MRPL39: variants seen among roughly 807,000 people sequenced by gnomAD.
The protein encoded by MRPL39 is mitochondrial ribosomal protein L39, also known as large ribosomal subunit protein mL39.
A neutral mutation model predicts 44.5 loss-of-function variants in MRPL39; 35 were observed. The ratio of observed to expected loss-of-function variants is 0.79; its 90% CI spans 0.60 to 1.04. The LOEUF (loss-of-function observed/expected upper bound fraction) is 1.04. Among genes scored for constraint, MRPL39 ranks in the 50% least tolerant of loss-of-function variants. MRPL39 has a pLI of 0.00. For synonymous variants in MRPL39, 139 were observed against 136.1 expected, an observed-to-expected ratio of 1.02 and a Z score of -0.15; for missense variants, 433 against 413.5, an observed-to-expected ratio of 1.05 and a Z score of -0.41.
chr21:25,596,387 C>T (rs117080060), intron 6 of MRPL39, among the ~76,000 whole-genome samples: 19,346 of 152,246 alleles, frequency 0.13, 1,625 homozygotes, highest in South Asian at 0.32. Flanking sequence ...CGTGAGCCAC[C>T]GCGCCCAGCC....
upstream of MRPL39, chr21:25,607,525 CG>C: frequency 6.3e-7 from 1 of 1,588,120 alleles, no homozygotes; most frequent in Non-Finnish European, 8.6e-7. Context: ...CCTCCTCCCC[CG>C]GAAACCGAAC....
chr21:25,598,168 A>G (rs2031415514), intron 5 of MRPL39, among the ~76,000 whole-genome samples: 1 of 152,186 alleles, frequency 6.6e-6, no homozygotes, highest in African/African-American at 2.4e-5. Context: ...GTATAAAAAA[A>G]TCAACATTCA....
rs2031589490 is a variant in MRPL39, at chr21:25,603,861, A to G, written c.355T>C (p.Leu119=). Residue 119 remains leucine, a synonymous_variant, in exon 3 of 10, where the codon TTA becomes CTA. Transcript: ENST00000352957. ...DGQPWDMYKP[L]TKSCEIKFLT... is the part of the protein sequence containing the mutation. ...AATTTAATTTCACAGGACTTTGTTAAAGGCTTATACATGTCCCAAGGCTGT... is the reference window on the plus strand; with the variant it reads ...AATTTAATTTCACAGGACTTTGTTAGAGGCTTATACATGTCCCAAGGCTGT... 1.2e-6 allele frequency: 2 copies of G among 1,613,112 alleles called. 1 individual carries two copies. Among genetic ancestry groups the G allele is most frequent in the South Asian group, 2.2e-5 (2 of 91,010 alleles).
chr21:25,592,720 A>G, intron 8 of MRPL39, 92 bp downstream of exon 8: 1 of 964,244 alleles, frequency 1.0e-6, no homozygotes, highest in Non-Finnish European at 1.4e-6. Flanking sequence ...AAGAAAAATT[A>G]AAAGTTTATA....
In MRPL39 at chr21:25,601,421, C is replaced by G; in HGVS notation, c.467G>C (p.Arg156Thr). ...CAMMMGCVIERAFKDEYMVNL... is the reference protein window; with the variant it reads ...CAMMMGCVIETAFKDEYMVNL... ...GACCATATATTCATCTTTGAATGCC[C>G]TCTCTATCACACAGCCCATCATCAT... The change falls in exon 4 of 10, where the codon AGG (arginine) becomes ACG (threonine). Residue 156 changes from arginine to threonine, a missense_variant. Coordinates refer to ENST00000352957, the MANE Select transcript of MRPL39 (RefSeq NM_017446.4). 1 of 1,610,506 alleles carries G rather than the reference C, an allele frequency of 6.2e-7. No individual in the cohort carries two copies. The highest frequency in any genetic ancestry group is 8.5e-7 in the Non-Finnish European group (1 of 1,177,994).
At chr21:25,587,613 T>C (rs2031038799) in intron 9 of MRPL39, 1 of 1,082,966 alleles carries the variant, frequency 9.2e-7, no homozygotes, top group South Asian at 1.4e-5. Context: ...AAAATAAATG[T>C]ACTGGCAAAG....
chr21:25,587,617 G>C, intron 9 of MRPL39: 1 of 1,111,832 alleles, frequency 9.0e-7, no homozygotes, highest in Non-Finnish European at 1.3e-6. Context: ...TAAATGTACT[G>C]GCAAAGAAAA....
upstream of MRPL39, among the ~76,000 whole-genome samples, chr21:25,607,791 C>T (rs1015390274): frequency 3.3e-5 from 5 of 152,174 alleles, no homozygotes; most frequent in African/African-American, 1.2e-4. Context: ...CGTTGCCCTC[C>T]GCCTTCAGCC....
intron 3 of MRPL39, among the ~76,000 whole-genome samples, chr21:25,602,417 G>A (rs550036289): frequency 1.3e-5 from 2 of 152,134 alleles, no homozygotes; most frequent in Non-Finnish European, 2.9e-5. Context: ...TTTGTATGAA[G>A]GTTAAATGAG....
In MRPL39 at chr21:25,603,875, T is replaced by C; in HGVS notation, c.341A>G (p.Asp114Gly). The C allele has an allele frequency of 6.2e-7, 1 of 1,613,040 alleles. No homozygotes were observed. The highest frequency in any genetic ancestry group is 1.7e-5 in the Admixed American group (1 of 59,738). ...GGACTTTGTTAAAGGCTTATACATG[T>C]CCCAAGGCTGTCCATCCACCAGAGC... Reference protein sequence around the residue: ...ILALVDGQPWDMYKPLTKSCE... With the variant: ...ILALVDGQPWGMYKPLTKSCE... The change falls in exon 3 of 10, where the codon GAC becomes GGC. Residue 114 changes from aspartate to glycine, a missense_variant. Transcript: ENST00000352957.
At position 25,601,380 on chromosome 21, in the gene MRPL39, G is replaced by C; in HGVS notation, c.508C>G (p.Pro170Ala). 1.2e-6 allele frequency: 2 copies of C among 1,608,394 alleles called. No homozygotes were observed. Among genetic ancestry groups the C allele is most frequent in the East Asian group, 2.2e-5 (1 of 44,658 alleles). Residue 170 changes from proline (P) to alanine (A), a missense_variant, in exon 4 of 10, where the codon CCA (proline) becomes GCA (alanine). Transcript: ENST00000352957. ...DEYMVNLVRA[P>A]EVPVISGAFC... Reference sequence around the variant, plus strand: ...ATGTATACACTACCAGGAACTTCTGGAGCTCTGACCAAATTGACCATATAT... The same window carrying C: ...ATGTATACACTACCAGGAACTTCTGCAGCTCTGACCAAATTGACCATATAT...
chr21:25,593,238 G>A (rs2031239633), intron 7 of MRPL39, among the ~76,000 whole-genome samples: 1 of 152,194 alleles, frequency 6.6e-6, no homozygotes. Flanking sequence ...CTATCAAGCT[G>A]ATCCAATTGC....
chr21:25,607,627 T>G, upstream of MRPL39: 1 of 750,838 alleles, frequency 1.3e-6, no homozygotes. Flanking sequence ...TCGCTGGGGA[T>G]TCAGTGGCTG....
At chr21:25,592,710 A>G in intron 8 of MRPL39, 102 bp downstream of exon 8, 1 of 880,154 alleles carries the variant, frequency 1.1e-6, no homozygotes. Context: ...CACATAACTT[A>G]AGAAAAATTA....
chr21:25,596,168 G>A (rs919210270), intron 6 of MRPL39, among the ~76,000 whole-genome samples: 3 of 151,690 alleles, frequency 2.0e-5, no homozygotes, highest in Non-Finnish European at 4.4e-5. Context: ...GCGCCACCTA[G>A]GCTCACTGCA....
At chr21:25,591,458 T>C (rs1473009875) in intron 8 of MRPL39, among the ~76,000 whole-genome samples, 2 of 151,778 alleles carry the variant, frequency 1.3e-5, no homozygotes, top group Non-Finnish European at 2.9e-5. Flanking sequence ...TATAAAGAAC[T>C]CTCAAAACTC....
intron 4 of MRPL39, among the ~76,000 whole-genome samples, chr21:25,600,467 C>G (rs1390350889): frequency 7.1e-6 from 1 of 141,222 alleles, no homozygotes; most frequent in Non-Finnish European, 1.6e-5. Flanking sequence ...TTAATGGATA[C>G]AAAATGTTAC....
Position 25,592,951 on chromosome 21 carries a change from A to T in MRPL39, c.782T>A (p.Ile261Asn). ...IVKLHRIGDFIDVSEGPLIPR... is the reference protein window; with the variant it reads ...IVKLHRIGDFNDVSEGPLIPR... Reference sequence around the variant, plus strand: ...AATAAGAGGGCCCTCACTCACATCAATGAAGTCACCTATTCTGATTGATTT... The same window carrying T: ...AATAAGAGGGCCCTCACTCACATCATTGAAGTCACCTATTCTGATTGATTT... The change falls in exon 8 of 10, where the codon ATT becomes AAT. Residue 261 changes from isoleucine (I) to asparagine (N), a missense_variant. Ile to Asn is a moderately radical substitution (Grantham distance 149). Transcript: ENST00000352957. 6.2e-7 allele frequency: 1 copy of T among 1,611,746 alleles called. No homozygotes were observed. The highest frequency in any genetic ancestry group is 8.5e-7 in the Non-Finnish European group (1 of 1,178,984).
At chr21:25,594,412 G>A (rs768369729) in intron 6 of MRPL39, among the ~76,000 whole-genome samples, 7 of 151,378 alleles carry the variant, frequency 4.6e-5, no homozygotes, top group East Asian at 1.9e-4. Flanking sequence ...CCACCATGCC[G>A]GGCTAACTTT....
Sources: allele counts gnomAD v4.1 joint callset (sites outside exome capture counted in the v4.1 genomes callset), GRCh38; gene constraint gnomAD v4.1.1; transcripts MANE v1.5; gene names NCBI Gene and HGNC (gene_info 2026-07-23, HGNC 2026-07-21).